Variants in CHSY1 observed in about 807,000 individuals in gnomAD.
CHSY1 encodes the protein chondroitin sulfate synthase 1.
CHSY1 carries 13 observed loss-of-function variants against 59.8 expected under a neutral mutation model. The observed-to-expected ratio is 0.22, with a 90% CI of 0.14 to 0.35. The LOEUF (loss-of-function observed/expected upper bound fraction) is 0.35, where lower values mean the gene tolerates loss of function less well. Among genes scored for constraint, CHSY1 ranks in the 10% least tolerant of loss-of-function variants. The pLI is 1.00. For missense variants in CHSY1, 947 were observed against 1,030.6 expected (o/e 0.92, Z 1.11); for synonymous variants, 459 against 401.2 (o/e 1.14, Z -1.72).
intron 2 of CHSY1, among the ~76,000 whole-genome samples, chr15:101,209,436 T>C (rs36082322): frequency 0.086 from 13,161 of 152,208 alleles, 687 homozygotes; most frequent in East Asian, 0.2. Flanking sequence ...AACTTATACA[T>C]AGACTTACGT....
At position 101,179,610 on chromosome 15, in the gene CHSY1, T is replaced by C. The variant is rs1053633701; in HGVS notation, c.817-630A>G. 1.1e-4 allele frequency among the ~76,000 whole-genome samples: 16 copies of C among 152,294 alleles called. 1 individual carries two copies. Among genetic ancestry groups the C allele is most frequent in the African/African-American group, 3.4e-4 (14 of 41,556 alleles). On this transcript the variant is annotated intron_variant, in intron 2 of 2. Coordinates refer to ENST00000254190, the MANE Select transcript of CHSY1 (RefSeq NM_014918.5). The stretch of plus-strand genomic sequence containing the variant: ...AACCCTCTTCACGCTGCTGGCCTCC[T>C]GCGTACGAGGAAGGTACCCCTCTCC...
chr15:101,199,489 T>A (rs2038548227), intron 2 of CHSY1, among the ~76,000 whole-genome samples: 1 of 152,114 alleles, frequency 6.6e-6, no homozygotes, highest in Non-Finnish European at 1.5e-5. Flanking sequence ...GGCGGCAGGG[T>A]GAGACTCCGT....
At chr15:101,222,956 A>C (rs546410406) in intron 2 of CHSY1, among the ~76,000 whole-genome samples, 11 of 152,202 alleles carry the variant, frequency 7.2e-5, no homozygotes, top group Admixed American at 6.5e-5. Flanking sequence ...AAAGACTTTA[A>C]AATGAGCATA....
At chr15:101,198,328 C>A (rs966226050) in intron 2 of CHSY1, among the ~76,000 whole-genome samples, 1 of 152,092 alleles carries the variant, frequency 6.6e-6, no homozygotes. Context: ...GAACACAGTC[C>A]CCCGAAATCC....
intron 2 of CHSY1, among the ~76,000 whole-genome samples, chr15:101,219,293 T>TTAAG (rs1214534589): frequency 6.6e-6 from 1 of 152,218 alleles, no homozygotes; most frequent in African/African-American, 2.4e-5. Context: ...GTTAGAAATC[T>TTAAG]TAAGTATTAT....
chr15:101,247,217 C>T (rs2039060870), intron 1 of CHSY1, among the ~76,000 whole-genome samples: 1 of 152,160 alleles, frequency 6.6e-6, no homozygotes, highest in South Asian at 2.1e-4. Context: ...CTTTCTTTTA[C>T]TGGCCTTCTT....
Position 101,235,225 on chromosome 15 carries a change from C to T in CHSY1, c.673G>A (p.Val225Met), listed in dbSNP as rs748806147. 1.8e-5 allele frequency: 29 copies of T among 1,614,072 alleles called. No homozygotes were observed. The highest frequency in any genetic ancestry group is 1.6e-4 in the Middle Eastern group (1 of 6,062). ...GENFCMGGPG[V>M]IMSREVLRRM... ...CGAAGCACCTCCCGGCTCATGATCA[C>T]GCCAGGCCCCCCCATGCAGAAGTTC... Residue 225 changes from valine (V) to methionine (M), a missense_variant, in exon 2 of 3, where the codon GTG becomes ATG. Transcript: ENST00000254190.
chr15:101,200,159 T>A (rs569736276), intron 2 of CHSY1, among the ~76,000 whole-genome samples: 3 of 152,364 alleles, frequency 2.0e-5, no homozygotes, highest in Non-Finnish European at 4.4e-5. Context: ...CTAGGTTGAA[T>A]AAGACGAAAT....
At chr15:101,203,403 T>C (rs944485978) in intron 2 of CHSY1, among the ~76,000 whole-genome samples, 2 of 152,178 alleles carry the variant, frequency 1.3e-5, no homozygotes, top group Non-Finnish European at 2.9e-5. Flanking sequence ...CTTCTAAGAA[T>C]GGAGAAACAG....
At chr15:101,187,932 CT>C in intron 2 of CHSY1, 1 of 726,600 alleles carries the variant, frequency 1.4e-6, no homozygotes, top group Non-Finnish European at 1.7e-6. Context: ...TTCCCAGGAA[CT>C]TCTAGCCCAG....
chr15:101,247,479 G>C (rs756538341), intron 1 of CHSY1, among the ~76,000 whole-genome samples: 2 of 150,146 alleles, frequency 1.3e-5, no homozygotes, highest in Non-Finnish European at 2.9e-5. Flanking sequence ...TCTGACTAAA[G>C]AACATGACAG....
intron 2 of CHSY1, chr15:101,188,131 C>A (rs898093219): frequency 4.1e-6 from 4 of 985,448 alleles, no homozygotes; most frequent in Non-Finnish European, 4.8e-6. Flanking sequence ...CAGCTACAGA[C>A]CATCACTGCT....
chr15:101,183,336 T>C (rs1024971696), intron 2 of CHSY1, among the ~76,000 whole-genome samples: 5 of 151,852 alleles, frequency 3.3e-5, no homozygotes, highest in East Asian at 1.9e-4. Flanking sequence ...GAAAAAGCAA[T>C]CTAAAAATTT....
In CHSY1 at chr15:101,221,345, T is replaced by C. The variant is rs193145059; in HGVS notation, c.816+13737A>G. Among the ~76,000 whole-genome samples the C allele has an allele frequency of 1.6e-4, 25 of 152,146 alleles. No homozygotes were observed. In the East Asian group the frequency reaches 4.4e-3, roughly 27 times the overall value. On this transcript the variant is annotated intron_variant, in intron 2 of 2. Transcript: ENST00000254190. The stretch of plus-strand genomic sequence containing the variant: ...CCTCTCTACTAACAACAACAACAAT[T>C]AGCCAGGTGTGCTGGGGTGTACCTG...
Position 101,177,430 on chromosome 15 carries a change from G to GT in CHSY1, c.2366dup (p.Tyr789Ter), listed in dbSNP as rs772392109. 2 of 1,613,520 alleles carry GT rather than the reference G, an allele frequency of 1.2e-6. No homozygotes were observed. The highest frequency in any genetic ancestry group is 1.7e-6 in the Non-Finnish European group (2 of 1,179,868). ...EMWLEKNDPS[Y>*]SKSSNNNGSV... ...AGCCATTATTATTGCTGCTTTTACT[G>GT]TAACTTGGATCATTTTTTTCCAGCC... is the stretch of plus-strand genomic sequence containing the variant. Residue 789 changes from tyrosine to a stop codon, truncating the protein, a stop_gained and frameshift_variant, in exon 3 of 3, where the codon TAC (tyrosine) becomes TAAC (stop). Coordinates refer to ENST00000254190, the MANE Select transcript of CHSY1 (RefSeq NM_014918.5). LOFTEE classifies it high-confidence loss of function.
chr15:101,185,754 A>G (rs1052148571), intron 2 of CHSY1, among the ~76,000 whole-genome samples: 13 of 84,142 alleles, frequency 1.5e-4, no homozygotes, highest in African/African-American at 4.7e-4. Flanking sequence ...CTCTGCTGTG[A>G]TTTGGGTTTT....
At chr15:101,243,817 A>G (rs2039025903) in intron 1 of CHSY1, among the ~76,000 whole-genome samples, 1 of 152,250 alleles carries the variant, frequency 6.6e-6, no homozygotes, top group African/African-American at 2.4e-5. Context: ...TTCTGAGGCC[A>G]CATTCTGTGT....
Position 101,235,100 on chromosome 15 carries a change from C to G in CHSY1, c.798G>C (p.Gln266His). 3 of 1,614,046 alleles carry G rather than the reference C, an allele frequency of 1.9e-6. No homozygotes were observed. Among genetic ancestry groups the G allele is most frequent in the Non-Finnish European group, 2.5e-6 (3 of 1,180,036 alleles). ...TTCTTACCTCATAAGACCAGACACA[C>G]TGCACCCCTGCAAACCTCCGGACAC... ...GRCVRRFAGV[Q>H]CVWSYEMQQL... is the part of the protein sequence containing the mutation. Residue 266 changes from glutamine (Q) to histidine (H), a missense_variant, in exon 2 of 3, where the codon CAG becomes CAC. Gln to His is a conservative substitution (Grantham distance 24, BLOSUM62 0). Transcript: ENST00000254190.
At chr15:101,237,919 T>C (rs916981743) in intron 1 of CHSY1, among the ~76,000 whole-genome samples, 5 of 152,236 alleles carry the variant, frequency 3.3e-5, no homozygotes, top group African/African-American at 9.6e-5. Context: ...GTATTTATTA[T>C]AGTGAAAAAT....
Sources: gnomAD v4.1 joint callset for allele counts (sites outside exome capture counted in the v4.1 genomes callset) on GRCh38, gnomAD v4.1.1 for gene constraint, MANE v1.5 for transcripts, NCBI Gene and HGNC (gene_info 2026-07-23, HGNC 2026-07-21) for gene names.